Variants in THEMIS observed in about 807,000 individuals in gnomAD.
THEMIS encodes the protein protein THEMIS.
A neutral mutation model predicts 52.6 loss-of-function variants in THEMIS; 37 were observed. The ratio of observed to expected loss-of-function variants is 0.70; its 90% CI spans 0.54 to 0.93. The LOEUF (loss-of-function observed/expected upper bound fraction) is 0.93, where lower values mean the gene tolerates loss of function less well. THEMIS is among the 40% of genes least tolerant of loss of function. The pLI is 0.00. For missense variants in THEMIS, 808 were observed against 763.1 expected, an observed-to-expected ratio of 1.06 and a Z score of -0.69; for synonymous variants, 292 against 272.7, an observed-to-expected ratio of 1.07 and a Z score of -0.70.
chr6:127,786,297 AG>A (rs1426339887), intron 4 of THEMIS, among the ~76,000 whole-genome samples: 2 of 152,214 alleles, frequency 1.3e-5, no homozygotes, highest in Non-Finnish European at 2.9e-5. Flanking sequence ...TGTTCCAAAA[AG>A]CTTCAGGGAA....
chr6:127,913,221 A>T (rs1307577105), intron 1 of THEMIS, among the ~76,000 whole-genome samples: 1 of 152,190 alleles, frequency 6.6e-6, no homozygotes, highest in Non-Finnish European at 1.5e-5. Flanking sequence ...GGAAAAAAAA[A>T]GTCTCTTATA....
rs575956654 is a variant in THEMIS at position 127,743,757 on chromosome 6, G to T, written c.1759-23934C>A. 7.9e-5 allele frequency among the ~76,000 whole-genome samples: 12 copies of T among 152,150 alleles called. No individual in the cohort carries two copies. In the South Asian group the frequency reaches 2.3e-3, roughly 29 times the overall value. On this transcript the variant is annotated intron_variant, in intron 4 of 5. Coordinates refer to ENST00000368248, the MANE Select transcript of THEMIS (RefSeq NM_001010923.3). ...ATCCCAAATTCCTGAGGTACACAAT[G>T]CATCATAAATGCGAATCATTTATTA...
chr6:127,828,514 AG>A (rs1778584165), intron 3 of THEMIS, among the ~76,000 whole-genome samples: 1 of 152,202 alleles, frequency 6.6e-6, no homozygotes, highest in African/African-American at 2.4e-5. Flanking sequence ...GTTAGAATCT[AG>A]GACTCCAAGT....
chr6:127,747,680 A>G (rs536899095), intron 4 of THEMIS, among the ~76,000 whole-genome samples: 2 of 152,072 alleles, frequency 1.3e-5, no homozygotes, highest in East Asian at 3.9e-4. Flanking sequence ...CTCATAAGAT[A>G]AAGTTATTTT....
At chr6:127,739,751 G>C (rs13219045) in intron 4 of THEMIS, among the ~76,000 whole-genome samples, 22,153 of 152,224 alleles carry the variant, frequency 0.15, 1,676 homozygotes, top group Non-Finnish European at 0.17. Context: ...GTGAAACAGA[G>C]TAGCCTATTT....
the THEMIS span, among the ~76,000 whole-genome samples, chr6:127,699,184 G>A: frequency 9.2e-5 from 14 of 151,760 alleles, no homozygotes; most frequent in Admixed American, 6.6e-5. Flanking sequence ...TCTTAAAAGT[G>A]CCTATGTGAT....
intron 3 of THEMIS, among the ~76,000 whole-genome samples, chr6:127,824,743 C>T (rs954527907): frequency 6.6e-6 from 1 of 152,136 alleles, no homozygotes; most frequent in Admixed American, 6.5e-5. Context: ...GTGATCCGCC[C>T]GCCTCGGCCC....
intron 4 of THEMIS, among the ~76,000 whole-genome samples, chr6:127,787,880 T>TAGATAGATAGATATAGATAGATAGATAG (rs200767496): frequency 1.7e-5 from 2 of 120,004 alleles, no homozygotes; most frequent in African/African-American, 6.0e-5. Context: ...GATAGATAGA[T>TAGATAGATAGATATAGATAGATAGATAG]ATAGATAGAT....
intron 4 of THEMIS, among the ~76,000 whole-genome samples, chr6:127,760,823 T>A (rs922041842): frequency 1.6e-4 from 24 of 152,148 alleles, no homozygotes; most frequent in Non-Finnish European, 3.2e-4. Flanking sequence ...GACATAAATG[T>A]AAGAACTGAA....
chr6:127,825,848 A>G (rs1478657333), intron 3 of THEMIS, among the ~76,000 whole-genome samples: 1 of 152,176 alleles, frequency 6.6e-6, no homozygotes, highest in Non-Finnish European at 1.5e-5. Context: ...ATGCTCTAAG[A>G]CTTAGGATAA....
At chr6:127,788,007 G>C (rs957079032) in intron 4 of THEMIS, among the ~76,000 whole-genome samples, 2 of 149,252 alleles carry the variant, frequency 1.3e-5, no homozygotes, top group Non-Finnish European at 3.0e-5. Flanking sequence ...GCACTGAGAA[G>C]GCTATGAGAG....
chr6:127,723,827 A>G (rs1262255251), intron 4 of THEMIS, among the ~76,000 whole-genome samples: 3 of 152,046 alleles, frequency 2.0e-5, no homozygotes, highest in South Asian at 2.1e-4. Flanking sequence ...ACTATAATGC[A>G]ATTTTTATAA....
At chr6:127,726,743 C>A (rs2114506949) in intron 4 of THEMIS, among the ~76,000 whole-genome samples, 1 of 152,226 alleles carries the variant, frequency 6.6e-6, no homozygotes, top group South Asian at 2.1e-4. Context: ...TAATCACATA[C>A]TTTGATTGAA....
At chr6:127,762,445 G>A (rs1339586931) in intron 4 of THEMIS, among the ~76,000 whole-genome samples, 5 of 151,958 alleles carry the variant, frequency 3.3e-5, no homozygotes. Flanking sequence ...TCCTCTGTTG[G>A]CATCCTGTCT....
intron 1 of THEMIS, among the ~76,000 whole-genome samples, chr6:127,888,465 G>A (rs1292505939): frequency 1.3e-5 from 2 of 151,942 alleles, no homozygotes; most frequent in East Asian, 3.9e-4. Context: ...ATAAAGCATG[G>A]GGAAAAGGAA....
At chr6:127,774,158 C>G (rs1446150036) in intron 4 of THEMIS, among the ~76,000 whole-genome samples, 3 of 152,220 alleles carry the variant, frequency 2.0e-5, no homozygotes, top group African/African-American at 7.2e-5. Context: ...GTGGAGCTAT[C>G]CTAAAAAGCA....
Position 127,801,030 on chromosome 6 carries a change from CA to C in THEMIS, c.1758+11852del, listed in dbSNP as rs1452949990. Among the ~76,000 whole-genome samples, 6 of 152,186 alleles carry C rather than the reference CA, an allele frequency of 3.9e-5. No homozygotes were observed. The East Asian group carries it at 9.6e-4, about 24-fold the overall frequency. On this transcript the variant is annotated intron_variant, in intron 4 of 5. Coordinates refer to ENST00000368248, the MANE Select transcript of THEMIS (RefSeq NM_001010923.3). ...AGTTGGCTGCATAATATGATTAGATCAAAAAATGCTAAGGACTCTACTTCTA... is the reference window on the plus strand; with the variant it reads ...AGTTGGCTGCATAATATGATTAGATCAAAAATGCTAAGGACTCTACTTCTA...
At chr6:127,871,808 T>C (rs1780165635) in intron 1 of THEMIS, among the ~76,000 whole-genome samples, 1 of 152,126 alleles carries the variant, frequency 6.6e-6, no homozygotes, top group Non-Finnish European at 1.5e-5. Flanking sequence ...ATTCATATTA[T>C]AAAACTCCCA....
At chr6:127,858,322 G>A (rs114266354) in intron 1 of THEMIS, among the ~76,000 whole-genome samples, 2,317 of 152,130 alleles carry the variant, frequency 0.015, 67 homozygotes, top group African/African-American at 0.053. Flanking sequence ...AGACTATCAT[G>A]TAAATAATAA....
Sources: gnomAD v4.1 joint callset for allele counts (sites outside exome capture counted in the v4.1 genomes callset) on GRCh38, gnomAD v4.1.1 for gene constraint, MANE v1.5 for transcripts, NCBI Gene and HGNC (gene_info 2026-07-23, HGNC 2026-07-21) for gene names.